Variants in SYNE1 observed in about 807,000 individuals in gnomAD.
SYNE1 encodes the protein spectrin repeat containing nuclear envelope protein 1, also known as nesprin-1.
SYNE1 carries 616 observed loss-of-function variants against 1,111.0 expected under a neutral mutation model. That is an observed-to-expected ratio of 0.55 (90% CI 0.52 to 0.59). The LOEUF is 0.59. SYNE1 is among the 20% of genes least tolerant of loss of function. The pLI is 0.00. For missense variants in SYNE1, 10,006 were observed against 10,417.0 expected (o/e 0.96, Z 1.72); for synonymous variants, 3,855 against 3,825.8 (o/e 1.01, Z -0.28).
chr6:152,358,109 C>T (rs1317576951), intron 66 of SYNE1, among the ~76,000 whole-genome samples: 1 of 152,300 alleles, frequency 6.6e-6, no homozygotes, highest in South Asian at 2.1e-4. Context: ...ATTAGATCTC[C>T]AGCCATTTGT....
chr6:152,166,076 A>T (rs573797326), intron 130 of SYNE1, among the ~76,000 whole-genome samples: 2 of 152,306 alleles, frequency 1.3e-5, no homozygotes, highest in South Asian at 4.1e-4. Context: ...GTAGGATCTG[A>T]ACACTTACTA....
At position 152,483,181 on chromosome 6, in the gene SYNE1, C is replaced by T. The variant is rs777939640; in HGVS notation, c.1254G>A (p.Leu418=). 2 of 1,614,170 alleles carry T rather than the reference C, an allele frequency of 1.2e-6. No homozygotes were observed. The highest frequency in any genetic ancestry group is 1.7e-6 in the Non-Finnish European group (2 of 1,179,996). ...PAPLGTIGAW[L]YRAEVALREE... is the part of the protein sequence containing the mutation. ...CTCTCAGGGCCACCTCCGCTCTGTA[C>T]AGCCAGGCACCTATGGTGCCCAGAG... Residue 418 remains leucine, a synonymous_variant, in exon 14 of 146, where the codon CTG becomes CTA. Coordinates refer to ENST00000367255, the MANE Select transcript of SYNE1 (RefSeq NM_182961.4).
intron 2 of SYNE1, among the ~76,000 whole-genome samples, chr6:152,633,541 C>T (rs1327438068): frequency 6.6e-6 from 1 of 152,256 alleles, no homozygotes; most frequent in African/African-American, 2.4e-5. Context: ...AAAACACCCA[C>T]CCAATCAATA....
intron 47 of SYNE1, among the ~76,000 whole-genome samples, chr6:152,400,329 A>G (rs527992920): frequency 6.6e-6 from 1 of 152,354 alleles, no homozygotes; most frequent in African/African-American, 2.4e-5. Flanking sequence ...TGTCCTTTAC[A>G]GATAGCTAAT....
intron 5 of SYNE1, among the ~76,000 whole-genome samples, chr6:152,523,265 T>C (rs974695707): frequency 2.6e-5 from 4 of 152,160 alleles, no homozygotes; most frequent in Admixed American, 6.6e-5. Flanking sequence ...TTCATTCTTT[T>C]ACATGTGACT....
intron 98 of SYNE1, among the ~76,000 whole-genome samples, chr6:152,274,587 T>C (rs2093448682): frequency 6.6e-6 from 1 of 152,146 alleles, no homozygotes; most frequent in South Asian, 2.1e-4. Flanking sequence ...TTTATTTGTT[T>C]ATTTATTTAT....
chr6:152,411,479 A>C (rs571492630), intron 42 of SYNE1, among the ~76,000 whole-genome samples: 1 of 152,262 alleles, frequency 6.6e-6, no homozygotes, highest in East Asian at 1.9e-4. Context: ...AATTTCTACA[A>C]AAAGTCTGTG....
intron 2 of SYNE1, among the ~76,000 whole-genome samples, chr6:152,629,820 T>C (rs980719344): frequency 6.6e-6 from 1 of 151,462 alleles, no homozygotes; most frequent in Non-Finnish European, 1.5e-5. Context: ...AAAAAAGGAA[T>C]GGGGGAAGAG....
At chr6:152,431,031 G>A (rs138005175) in intron 34 of SYNE1, among the ~76,000 whole-genome samples, 7 of 152,264 alleles carry the variant, frequency 4.6e-5, no homozygotes, top group Non-Finnish European at 1.0e-4. Flanking sequence ...TTATGTTTAC[G>A]TTATGAATTA....
chr6:152,215,196 A>G (rs2078334475), intron 121 of SYNE1, 136 bp from the exon 122 acceptor site: 2 of 949,290 alleles, frequency 2.1e-6, no homozygotes, highest in Admixed American at 2.0e-5. Context: ...TAGGCCACTT[A>G]CTTACAATCT....
chr6:152,607,279 T>C (rs1411118468), intron 3 of SYNE1, among the ~76,000 whole-genome samples: 1 of 152,108 alleles, frequency 6.6e-6, no homozygotes, highest in African/African-American at 2.4e-5. Flanking sequence ...CCACCACACC[T>C]GGCCGAATGT....
At chr6:152,208,277 A>T in intron 124 of SYNE1, 71 bp from the exon 125 acceptor site, 2 of 1,360,690 alleles carry the variant, frequency 1.5e-6, no homozygotes, top group East Asian at 4.6e-5. Context: ...CAGCCAATGT[A>T]TACACTGTCA....
intron 5 of SYNE1, among the ~76,000 whole-genome samples, chr6:152,521,905 A>G (rs192692127): frequency 1.3e-5 from 2 of 152,202 alleles, no homozygotes; most frequent in Admixed American, 1.3e-4. Flanking sequence ...TGTCTTATTG[A>G]ATAATTGTTT....
rs115732612 is a variant in SYNE1 at position 152,383,975 on chromosome 6, C to G, written c.8652+1699G>C. Reference sequence around the variant, plus strand: ...AAAGACTTGACCATCATCCTTGACTCTTCCCACCTTGTCATGCTATAGCCC... The same window carrying G: ...AAAGACTTGACCATCATCCTTGACTGTTCCCACCTTGTCATGCTATAGCCC... On this transcript the variant is annotated intron_variant, in intron 55 of 145. Coordinates refer to ENST00000367255, the MANE Select transcript of SYNE1 (RefSeq NM_182961.4). Among the ~76,000 whole-genome samples the G allele has an allele frequency of 3.3e-3, 504 of 152,336 alleles. 2 individuals carry two copies. Among genetic ancestry groups the G allele is most frequent in the African/African-American group, 0.011 (472 of 41,578 alleles).
At chr6:152,457,637 CAAAGT>C (rs1430941673) in intron 22 of SYNE1, among the ~76,000 whole-genome samples, 1 of 151,964 alleles carries the variant, frequency 6.6e-6, no homozygotes, top group African/African-American at 2.4e-5. Context: ...TTTCAAGAAG[CAAAGT>C]AAAGATCTCA....
At chr6:152,632,596 A>G (rs1583803021) in intron 2 of SYNE1, among the ~76,000 whole-genome samples, 2 of 152,154 alleles carry the variant, frequency 1.3e-5, no homozygotes, top group South Asian at 4.1e-4. Flanking sequence ...ACAACTACCT[A>G]TTGGAGGAGA....
At chr6:152,271,427 A>G (rs2093200629) in intron 98 of SYNE1, among the ~76,000 whole-genome samples, 1 of 152,188 alleles carries the variant, frequency 6.6e-6, no homozygotes, top group East Asian at 1.9e-4. Flanking sequence ...ATCCAGCCAG[A>G]GATTGCAGTT....
chr6:152,568,052 A>C (rs189880723), intron 3 of SYNE1, among the ~76,000 whole-genome samples: 374 of 152,198 alleles, frequency 2.5e-3, no homozygotes, highest in African/African-American at 8.0e-3. Context: ...CTTTACACCA[A>C]AATAAATACC....
chr6:152,293,862 T>C (rs1444873122), intron 94 of SYNE1, 98 bp downstream of exon 94: 1 of 1,608,300 alleles, frequency 6.2e-7, no homozygotes, highest in Non-Finnish European at 8.5e-7. Context: ...TACTCAACTG[T>C]GGACTGGATA....
Sources: gnomAD v4.1 joint callset for allele counts (sites outside exome capture counted in the v4.1 genomes callset) on GRCh38, gnomAD v4.1.1 for gene constraint, MANE v1.5 for transcripts, NCBI Gene and HGNC (gene_info 2026-07-23, HGNC 2026-07-21) for gene names.